The following CRAMP1 variants were observed in gnomAD, a reference collection of about 807,000 sequenced individuals.
The protein encoded by CRAMP1 is cramped chromatin regulator 1, also known as protein cramped-like.
A neutral mutation model predicts 115.4 loss-of-function variants in CRAMP1; 50 were observed. That is an observed-to-expected ratio of 0.43 (90% confidence interval 0.35 to 0.55). The LOEUF (loss-of-function observed/expected upper bound fraction) is 0.55. CRAMP1 is among the 20% of genes least tolerant of loss of function. CRAMP1 has a pLI of 0.01. For missense variants in CRAMP1, 1,679 were observed against 1,721.7 expected (o/e 0.98, Z 0.44); for synonymous variants, 866 against 745.4 (o/e 1.16, Z -2.64).
Position 1,614,934 on chromosome 16 carries a change from CCGA to C in CRAMP1, c.296_298del (p.Pro99_Ser100delinsArg), listed in dbSNP as rs1322802784. 7.0e-6 allele frequency: 9 copies of C among 1,277,622 alleles called. No homozygotes were observed. The highest frequency in any genetic ancestry group is 1.5e-5 in the African/African-American group (1 of 64,890). 79.1% of individuals were successfully genotyped at this position (1,277,622 alleles called of 1,614,324 possible). ...GAGCAAGAGGCCCAGGAAGGATCCT[CCGA>C]GCGCTGTGGGGAGCGGCAACGCCGG... On this transcript the variant is annotated inframe_deletion, in exon 2 of 21. Transcript: ENST00000397412. The surrounding 1 kb of genome is among the most constrained non-coding windows in gnomAD (Gnocchi z 4.4).
At chr16:1,664,519 C>T (rs1241352615) in intron 13 of CRAMP1, among the ~76,000 whole-genome samples, 1 of 152,158 alleles carries the variant, frequency 6.6e-6, no homozygotes, top group Non-Finnish European at 1.5e-5. Flanking sequence ...TGGCTCGCAC[C>T]TGTAATCCCA....
In CRAMP1 at chr16:1,653,043, T is replaced by C; in HGVS notation, c.924T>C (p.Asp308=). ...KKLCDPDGLS[D]EEDQKPVRLP... ...TCTTCTGCATTGCAGGCTTGAGTGA[T>C]GAAGAGGACCAGAAGCCAGTGCGCC... The change falls in exon 8 of 21, where the codon GAT becomes GAC. Residue 308 remains aspartate, a synonymous_variant. Transcript: ENST00000397412. 2 of 1,613,154 alleles carry C rather than the reference T, an allele frequency of 1.2e-6. No homozygotes were observed. Among genetic ancestry groups the C allele is most frequent in the African/African-American group, 1.3e-5 (1 of 75,026 alleles).
chr16:1,655,583 A>C, intron 9 of CRAMP1, among the ~76,000 whole-genome samples: 1 of 152,180 alleles, frequency 6.6e-6, no homozygotes, highest in Non-Finnish European at 1.5e-5. Context: ...TCCTACCAGC[A>C]GGTTGAGCAA....
At chr16:1,636,679 A>G (rs1046409002) in intron 4 of CRAMP1, among the ~76,000 whole-genome samples, 1 of 152,240 alleles carries the variant, frequency 6.6e-6, no homozygotes, top group African/African-American at 2.4e-5. Context: ...TGGTTTCCCT[A>G]GCAGGATTAG....
intron 6 of CRAMP1, among the ~76,000 whole-genome samples, chr16:1,647,960 C>T (rs576364012): frequency 1.3e-5 from 2 of 152,056 alleles, no homozygotes; most frequent in Non-Finnish European, 2.9e-5. Context: ...CAGGCCTAAG[C>T]GTCACCCTGG....
chr16:1,627,358 C>G (rs555044337), intron 3 of CRAMP1, among the ~76,000 whole-genome samples: 2 of 152,274 alleles, frequency 1.3e-5, no homozygotes, highest in Non-Finnish European at 2.9e-5. Flanking sequence ...GTTGCCTGGG[C>G]TGGTCTCGAA....
In CRAMP1 at chr16:1,626,065, G is replaced by A. The variant is rs1195429403; in HGVS notation, c.439G>A (p.Gly147Arg). The part of the protein sequence containing the change: ...GGSRSSSRNL[G>R]SSGGEKEEGK... ...CTCGCGCTCCTCCTCCCGGAACTTAGGGTCTTCTGGTGGCGAGAAGGAAGA... is the reference window on the plus strand; with the variant it reads ...CTCGCGCTCCTCCTCCCGGAACTTAAGGTCTTCTGGTGGCGAGAAGGAAGA... Residue 147 changes from glycine (G) to arginine (R), a missense_variant, in exon 3 of 21, where the codon GGG (glycine) becomes AGG (arginine). Around this residue, in one of 8 missense-constraint regions of CRAMP1, gnomAD observed 264 missense variants for 229.7 expected, o/e 1.15. Coordinates refer to ENST00000397412, the MANE Select transcript of CRAMP1 (RefSeq NM_020825.4). The A allele has an allele frequency of 6.4e-7, 1 of 1,551,446 alleles. No individual in the cohort carries two copies. Among genetic ancestry groups the A allele is most frequent in the East Asian group, 2.4e-5 (1 of 40,920 alleles).
At chr16:1,628,308 C>A (rs2036522545) in intron 3 of CRAMP1, among the ~76,000 whole-genome samples, 1 of 152,220 alleles carries the variant, frequency 6.6e-6, no homozygotes, top group Non-Finnish European at 1.5e-5. Flanking sequence ...GGCTGGAGCG[C>A]AGTGGCACGA....
At chr16:1,651,811 G>T (rs950888618) in intron 6 of CRAMP1, among the ~76,000 whole-genome samples, 1 of 151,056 alleles carries the variant, frequency 6.6e-6, no homozygotes, top group South Asian at 2.2e-4. Flanking sequence ...TCACACAGAG[G>T]TCACAGAAAG....
intron 5 of CRAMP1, 63 bp downstream of exon 5, chr16:1,637,970 A>C: frequency 2.7e-6 from 2 of 742,754 alleles, no homozygotes; most frequent in East Asian, 6.5e-5. Context: ...TTTGGGCTTT[A>C]GTGCTCAGAG....
chr16:1,674,633 C>G lies in CRAMP1; in HGVS notation c.*588C>G, dbSNP rs1459176126. ...CAGGGCTGCTGCGGAGTCGTGGGGCCCTGGGCTGGTGCCTCCCCTCCCTAG... is the reference window on the plus strand; with the variant it reads ...CAGGGCTGCTGCGGAGTCGTGGGGCGCTGGGCTGGTGCCTCCCCTCCCTAG... On this transcript the variant is annotated 3_prime_UTR_variant, in exon 21 of 21. Coordinates refer to ENST00000397412, the MANE Select transcript of CRAMP1 (RefSeq NM_020825.4). 1 of 158,300 alleles carries G rather than the reference C, an allele frequency of 6.3e-6. No individual in the cohort carries two copies. Among genetic ancestry groups the G allele is most frequent in the Non-Finnish European group, 1.4e-5 (1 of 71,664 alleles). 9.8% of individuals were successfully genotyped at this position (158,300 alleles called of 1,614,324 possible).
chr16:1,624,993 C>T (rs1351021146), intron 2 of CRAMP1, among the ~76,000 whole-genome samples: 1 of 152,180 alleles, frequency 6.6e-6, no homozygotes, highest in Non-Finnish European at 1.5e-5. Flanking sequence ...TCCCAAAGTG[C>T]TGGGATTACA....
Position 1,656,470 on chromosome 16 carries a change from C to G in CRAMP1, c.1713C>G (p.Leu571=). The change falls in exon 10 of 21, where the codon CTC becomes CTG. Residue 571 remains leucine (L), a synonymous_variant. Transcript: ENST00000397412. This position sits in a 1 kb window ranked among gnomAD's most constrained non-coding sequence, Gnocchi z 5.6. ...GCTACCTAAAGTCCTGTCAGGACCT[C>G]ATTGTCCCCGAGCAGTGCCGCTGTG... is the stretch of plus-strand genomic sequence containing the variant. ...LPRYLKSCQD[L]IVPEQCRCAD... 1 of 1,580,930 alleles carries G rather than the reference C, an allele frequency of 6.3e-7. No individual in the cohort carries two copies. The highest frequency in any genetic ancestry group is 8.6e-7 in the Non-Finnish European group (1 of 1,164,198).
intron 11 of CRAMP1, among the ~76,000 whole-genome samples, chr16:1,661,023 A>C (rs575161684): frequency 1.6e-4 from 24 of 151,536 alleles, no homozygotes; most frequent in Non-Finnish European, 2.9e-4. Flanking sequence ...ACAAAAAAAA[A>C]CAATGAGTTT....
At chr16:1,632,406 A>C (rs1183967174) in intron 4 of CRAMP1, 41 bp downstream of exon 4, 4 of 1,548,200 alleles carry the variant, frequency 2.6e-6, no homozygotes, top group Non-Finnish European at 3.5e-6. Flanking sequence ...GCCCACAGGC[A>C]GGGCCGGCTT....
At position 1,656,791 on chromosome 16, in the gene CRAMP1, G is replaced by C. The variant is rs1432898476; in HGVS notation, c.2034G>C (p.Trp678Cys). 1 of 1,548,274 alleles carries C rather than the reference G, an allele frequency of 6.5e-7. No homozygotes were observed. ...RLAQQLREEG[W>C]NLQTSESLTL... ...CTCAGCAGCTCCGTGAGGAGGGCTG[G>C]AACCTGCAGACCTCCGAAAGCCTCA... The change falls in exon 10 of 21, where the codon TGG (tryptophan) becomes TGC (cysteine). Residue 678 changes from tryptophan to cysteine, a missense_variant. Trp to Cys is a radical substitution (Grantham distance 215, BLOSUM62 -2). Transcript: ENST00000397412. The surrounding 1 kb of genome is among the most constrained non-coding windows in gnomAD (Gnocchi z 5.6).
intron 8 of CRAMP1, among the ~76,000 whole-genome samples, chr16:1,653,739 T>C (rs1013814972): frequency 1.2e-4 from 18 of 147,140 alleles, no homozygotes; most frequent in African/African-American, 4.6e-4. Context: ...GAGAATGACG[T>C]GAACCCGGGA....
At chr16:1,651,134 A>T (rs1051765922) in intron 6 of CRAMP1, among the ~76,000 whole-genome samples, 8 of 151,884 alleles carry the variant, frequency 5.3e-5, no homozygotes, top group Non-Finnish European at 1.0e-4. Context: ...GGAAAGGTAG[A>T]TTGAGGTCAC....
In CRAMP1 at chr16:1,669,080, C is replaced by T; in HGVS notation, c.3414C>T (p.Pro1138=). Residue 1138 remains proline, a synonymous_variant, in exon 19 of 21, where the codon CCC becomes CCT. Transcript: ENST00000397412. This position sits in a 1 kb window ranked among gnomAD's most constrained non-coding sequence, Gnocchi z 4.6. ...SKSLPSPSSS[P]QPHWIASPTH... Reference sequence around the variant, plus strand: ...GCCTTCCCTCCCCGTCCAGCAGCCCCCAGCCACACTGGATCGCCTCTCCCA... The same window carrying T: ...GCCTTCCCTCCCCGTCCAGCAGCCCTCAGCCACACTGGATCGCCTCTCCCA... The T allele has an allele frequency of 6.2e-7, 1 of 1,612,520 alleles. No homozygotes were observed. The highest frequency in any genetic ancestry group is 1.1e-5 in the South Asian group (1 of 90,676).
Sources: allele counts gnomAD v4.1 joint callset (sites outside exome capture counted in the v4.1 genomes callset), GRCh38; gene constraint gnomAD v4.1.1; regional missense constraint gnomAD v4.1.1; non-coding constraint Gnocchi (gnomAD v3.1); transcripts MANE v1.5; gene names NCBI Gene and HGNC (gene_info 2026-07-23, HGNC 2026-07-21).